LRRC8C: variants seen among roughly 807,000 people sequenced by gnomAD.
LRRC8C encodes the protein leucine rich repeat containing 8 VRAC subunit C, also known as volume-regulated anion channel subunit LRRC8C.
LRRC8C carries 20 observed loss-of-function variants against 55.3 expected under a neutral mutation model. The observed-to-expected ratio is 0.36, with a 90% CI of 0.25 to 0.53. The LOEUF is 0.53. Among genes scored for constraint, LRRC8C ranks in the 20% least tolerant of loss-of-function variants. The pLI, the probability that LRRC8C is intolerant of heterozygous loss-of-function variation, is 0.92. For synonymous variants in LRRC8C, 376 were observed against 360.7 expected, an observed-to-expected ratio of 1.04 and a Z score of -0.48; for missense variants, 659 against 951.4, an observed-to-expected ratio of 0.69 and a Z score of 4.04.
chr1:89,638,592 G>A (rs1201051199), intron 1 of LRRC8C, among the ~76,000 whole-genome samples: 1 of 150,852 alleles, frequency 6.6e-6, no homozygotes, highest in Non-Finnish European at 1.5e-5. Context: ...ATAAATTTTT[G>A]TATGAATATA....
the LRRC8C span, among the ~76,000 whole-genome samples, chr1:89,625,668 G>C: frequency 1.3e-5 from 2 of 152,194 alleles, no homozygotes; most frequent in Non-Finnish European, 2.9e-5. Flanking sequence ...TTTCCAAAGA[G>C]AGAATCATGT....
At chr1:89,637,487 T>C (rs1465559699) in intron 1 of LRRC8C, among the ~76,000 whole-genome samples, 1 of 149,700 alleles carries the variant, frequency 6.7e-6, no homozygotes, top group Non-Finnish European at 1.5e-5. Flanking sequence ...ATATGAGGGG[T>C]AGAAAAATAA....
chr1:89,684,558 A>C (rs1338109584), intron 1 of LRRC8C, among the ~76,000 whole-genome samples: 1 of 152,240 alleles, frequency 6.6e-6, no homozygotes, highest in African/African-American at 2.4e-5. Context: ...TTGGAAGTCA[A>C]GATGAATTTG....
chr1:89,651,178 C>T (rs1278387810), intron 1 of LRRC8C, among the ~76,000 whole-genome samples: 1 of 152,082 alleles, frequency 6.6e-6, no homozygotes, highest in African/African-American at 2.4e-5. Flanking sequence ...AAGCTGTGGC[C>T]CATGCATTTT....
In LRRC8C at chr1:89,680,549, C is replaced by CTT. The variant is rs10593283; in HGVS notation, c.-4-5900_-4-5899dup. Among the ~76,000 whole-genome samples the CTT allele has an allele frequency of 1.5e-4, 14 of 91,866 alleles. 1 individual carries two copies. The highest frequency in any genetic ancestry group is 4.6e-4 in the South Asian group (1 of 2,176). 60.3% of individuals were successfully genotyped at this position (91,866 alleles called of 152,430 possible). On this transcript the variant is annotated intron_variant, in intron 1 of 2. Transcript: ENST00000370454. ...GTGCCAGGTGTTTCATGCTTTCATG[C>CTT]TTTTTTTTTTTTTTTTTTTTTTCTG...
intron 1 of LRRC8C, among the ~76,000 whole-genome samples, chr1:89,675,370 C>T (rs528281197): frequency 5.3e-5 from 8 of 152,252 alleles, no homozygotes; most frequent in South Asian, 4.1e-4. Context: ...TCTTGCCTTC[C>T]GCACCCTCCT....
Position 89,655,965 on chromosome 1 carries a change from G to A in LRRC8C, c.-5+22643G>A, listed in dbSNP as rs557326671. On this transcript the variant is annotated intron_variant, in intron 1 of 2. Transcript: ENST00000370454. ...TCCCACACCATACCTGCCTTCAAGGGGGCTGGAACATGTACTTTATTATTA... is the reference window on the plus strand; with the variant it reads ...TCCCACACCATACCTGCCTTCAAGGAGGCTGGAACATGTACTTTATTATTA... Among the ~76,000 whole-genome samples, 16 of 152,270 alleles carry A rather than the reference G, an allele frequency of 1.1e-4. No homozygotes were observed. The South Asian group carries it at 3.3e-3, about 32-fold the overall frequency.
At chr1:89,666,379 C>T (rs901747456) in intron 1 of LRRC8C, among the ~76,000 whole-genome samples, 6 of 149,642 alleles carry the variant, frequency 4.0e-5, no homozygotes, top group Non-Finnish European at 8.9e-5. Flanking sequence ...CAAACCTGCA[C>T]CTTGTGCACA....
At chr1:89,627,712 AC>A in the LRRC8C span, among the ~76,000 whole-genome samples, 1 of 152,166 alleles carries the variant, frequency 6.6e-6, no homozygotes, top group Non-Finnish European at 1.5e-5. Flanking sequence ...TCTTCTACTC[AC>A]TGATTATGTG....
At chr1:89,658,483 A>G (rs951169590) in intron 1 of LRRC8C, among the ~76,000 whole-genome samples, 2 of 152,214 alleles carry the variant, frequency 1.3e-5, no homozygotes, top group Non-Finnish European at 2.9e-5. Flanking sequence ...TCAGACGCCA[A>G]GGCATTTTAT....
intron 2 of LRRC8C, among the ~76,000 whole-genome samples, chr1:89,692,028 T>G (rs1658040169): frequency 6.6e-6 from 1 of 152,136 alleles, no homozygotes; most frequent in Non-Finnish European, 1.5e-5. Context: ...CTACCTAGGA[T>G]CCATATAACA....
At chr1:89,623,871 C>T in the LRRC8C span, among the ~76,000 whole-genome samples, 4 of 152,280 alleles carry the variant, frequency 2.6e-5, no homozygotes, top group African/African-American at 7.2e-5. Context: ...AAAAGCTAGT[C>T]GTTGTAAAGA....
chr1:89,641,885 C>G (rs1339732697), intron 1 of LRRC8C, among the ~76,000 whole-genome samples: 1 of 152,136 alleles, frequency 6.6e-6, no homozygotes, highest in East Asian at 1.9e-4. Flanking sequence ...ACTTAGCATG[C>G]TTTGTTTTAA....
In LRRC8C at chr1:89,645,008, A is replaced by AGGCAT. The variant is rs539849321; in HGVS notation, c.-5+11688_-5+11692dup. Among the ~76,000 whole-genome samples, 80 of 152,370 alleles carry AGGCAT rather than the reference A, an allele frequency of 5.3e-4. 1 individual carries two copies. In the South Asian group the frequency reaches 0.016, roughly 31 times the overall value. ...ATATCCAGGATAAAATCAGACTAGT[A>AGGCAT]GGCATGAAAATGCACAGGAAATATA... On this transcript the variant is annotated intron_variant, in intron 1 of 2. Coordinates refer to ENST00000370454, the MANE Select transcript of LRRC8C (RefSeq NM_032270.5).
chr1:89,700,365 T>C (rs1370847460), intron 2 of LRRC8C, among the ~76,000 whole-genome samples: 1 of 152,222 alleles, frequency 6.6e-6, no homozygotes, highest in Non-Finnish European at 1.5e-5. Context: ...GCTGTTTATG[T>C]CCCTCTAGCA....
intron 1 of LRRC8C, among the ~76,000 whole-genome samples, chr1:89,671,063 AT>A (rs1039316383): frequency 6.6e-6 from 1 of 151,094 alleles, no homozygotes; most frequent in Non-Finnish European, 1.5e-5. Context: ...CTTTCTTTTT[AT>A]TTTTTTGAGA....
chr1:89,668,151 C>A (rs927935373), intron 1 of LRRC8C: 1 of 152,562 alleles, frequency 6.6e-6, no homozygotes, highest in African/African-American at 2.4e-5. Context: ...ATTTGGTATA[C>A]ATTTCCCAGC....
Position 89,713,275 on chromosome 1 carries a change from T to C in LRRC8C, c.705T>C (p.Gly235=). ...STAGALDKKE[G]EQAKALFEKV... Reference sequence around the variant, plus strand: ...CAGGGGCTCTGGATAAAAAGGAAGGTGAGCAGGCTAAGGCCTTATTTGAGA... The same window carrying C: ...CAGGGGCTCTGGATAAAAAGGAAGGCGAGCAGGCTAAGGCCTTATTTGAGA... Residue 235 remains glycine (G), a synonymous_variant, in exon 3 of 3, where the codon GGT becomes GGC. Transcript: ENST00000370454. This position sits in a 1 kb window ranked among gnomAD's most constrained non-coding sequence, Gnocchi z 5.2. The C allele has an allele frequency of 1.2e-6, 2 of 1,614,184 alleles. No individual in the cohort carries two copies. Among genetic ancestry groups the C allele is most frequent in the Middle Eastern group, 1.7e-4 (1 of 6,060 alleles).
chr1:89,619,582 T>C, the LRRC8C span, among the ~76,000 whole-genome samples: 42 of 151,444 alleles, frequency 2.8e-4, 3 homozygotes, highest in South Asian at 7.7e-3. Flanking sequence ...AGCTAACTTA[T>C]AAGAAAACTG....
Sources: gnomAD v4.1 joint callset for allele counts (sites outside exome capture counted in the v4.1 genomes callset) on GRCh38, gnomAD v4.1.1 for gene constraint, Gnocchi (gnomAD v3.1) non-coding constraint, MANE v1.5 for transcripts, NCBI Gene and HGNC (gene_info 2026-07-23, HGNC 2026-07-21) for gene names.